TRPM8: variants seen among roughly 807,000 people sequenced by gnomAD.
TRPM8 encodes the protein TRPM8 cationic channel.
TRPM8 carries 110 observed loss-of-function variants against 133.7 expected under a neutral mutation model. That is an observed-to-expected ratio of 0.82 (90% CI 0.70 to 0.96). The LOEUF (loss-of-function observed/expected upper bound fraction) is 0.96, where lower values mean the gene tolerates loss of function less well. Ranked by LOEUF, TRPM8 falls within the 40% of genes least tolerant of loss-of-function variation. The probability of loss-of-function intolerance (pLI) is 0.00; values close to 1 mark genes in which losing one functional copy is unlikely to be tolerated. For missense variants in TRPM8, 1,291 were observed against 1,379.5 expected (o/e 0.94, Z 1.02); for synonymous variants, 535 against 532.3 (o/e 1.01, Z -0.07).
intron 2 of TRPM8, among the ~76,000 whole-genome samples, chr2:233,929,551 C>T (rs531177413): frequency 6.6e-6 from 1 of 152,230 alleles, no homozygotes; most frequent in African/African-American, 2.4e-5. Flanking sequence ...AGAACTCCAG[C>T]TGCCAGTATC....
chr2:233,969,629 T>C lies in TRPM8; in HGVS notation c.2026-66T>C. On this transcript the variant is annotated intron_variant, in intron 15 of 25. Transcript: ENST00000324695. ...GAAAGTGTGGGGCGGGGAAGAAAGT[T>C]TGCATGGCATCCTGCATACAATTGT... 3 of 954,900 alleles carry C rather than the reference T, an allele frequency of 3.1e-6. No homozygotes were observed. The South Asian group carries it at 4.1e-5, about 13-fold the overall frequency. The allele number at this position is 954,900 out of a possible 1,614,324, so 59.2% of individuals were successfully genotyped here.
chr2:233,964,998 C>T (rs527715752), intron 14 of TRPM8, among the ~76,000 whole-genome samples: 36 of 150,186 alleles, frequency 2.4e-4, no homozygotes, highest in Non-Finnish European at 1.5e-4. Flanking sequence ...CCACCCAGGG[C>T]CATACCCAGG....
chr2:233,960,244 A>G (rs867357264), intron 11 of TRPM8, among the ~76,000 whole-genome samples: 2 of 152,060 alleles, frequency 1.3e-5, no homozygotes, highest in Non-Finnish European at 2.9e-5. Context: ...CTATTTTAAC[A>G]CCTGTATTTG....
At chr2:233,949,374 G>A (rs1691121813) in intron 8 of TRPM8, among the ~76,000 whole-genome samples, 1 of 152,198 alleles carries the variant, frequency 6.6e-6, no homozygotes, top group Admixed American at 6.5e-5. Context: ...CTCTGCAGTT[G>A]TTACAAAGGT....
intron 1 of TRPM8, among the ~76,000 whole-genome samples, chr2:233,925,810 C>T (rs4663986): frequency 1.3e-5 from 2 of 151,856 alleles, no homozygotes; most frequent in Admixed American, 1.3e-4. Context: ...TCTCGAGCTT[C>T]GGATGTGGGT....
intron 11 of TRPM8, among the ~76,000 whole-genome samples, chr2:233,955,692 C>T (rs1436360658): frequency 2.0e-5 from 3 of 152,108 alleles, no homozygotes; most frequent in East Asian, 3.9e-4. Flanking sequence ...GAGAACCGTC[C>T]GTAGTGAGAT....
intron 22 of TRPM8, among the ~76,000 whole-genome samples, chr2:234,001,948 A>G (rs1339763675): frequency 1.3e-5 from 2 of 152,178 alleles, no homozygotes; most frequent in South Asian, 4.1e-4. Flanking sequence ...AATAAGCTAG[A>G]AGCTATCTGT....
chr2:233,954,886 T>G lies in TRPM8; in HGVS notation c.1244-246T>G, dbSNP rs574346175. ...AACCTTTACTATACCATTATTACAC[T>G]GCTAGGATATGCAATGGAAAAACAT... On this transcript the variant is annotated intron_variant, in intron 10 of 25. Transcript: ENST00000324695. 8.0e-6 allele frequency: 3 copies of G among 376,098 alleles called. No individual in the cohort carries two copies. The East Asian group carries it at 1.6e-4, about 20-fold the overall frequency. The allele number at this position is 376,098 out of a possible 1,614,324, so 23.3% of individuals were successfully genotyped here. A position where few individuals can be genotyped will look rare whatever the true frequency, so the allele number is the denominator to read the frequency against.
At chr2:233,990,800 T>G (rs914739193) in intron 21 of TRPM8, among the ~76,000 whole-genome samples, 2 of 152,194 alleles carry the variant, frequency 1.3e-5, no homozygotes, top group Non-Finnish European at 2.9e-5. Flanking sequence ...TCTGACCACC[T>G]CATCTAACCT....
At chr2:233,993,724 A>T (rs1266596523) in intron 21 of TRPM8, among the ~76,000 whole-genome samples, 1 of 151,938 alleles carries the variant, frequency 6.6e-6, no homozygotes, top group Admixed American at 6.6e-5. Flanking sequence ...CTGCGTTTCC[A>T]CTCTGAGCTC....
At chr2:233,938,256 C>A (rs1690809975) in intron 4 of TRPM8, among the ~76,000 whole-genome samples, 1 of 152,220 alleles carries the variant, frequency 6.6e-6, no homozygotes, top group Admixed American at 6.5e-5. Context: ...CCTCAAGTCA[C>A]CCCTCTGCCT....
intron 20 of TRPM8, among the ~76,000 whole-genome samples, chr2:233,983,649 G>A (rs182503687): frequency 2.6e-5 from 4 of 152,312 alleles, no homozygotes; most frequent in Non-Finnish European, 1.5e-5. Context: ...TTAGCCCACT[G>A]CCAACTGGTT....
intron 1 of TRPM8, among the ~76,000 whole-genome samples, chr2:233,926,136 C>A (rs1041420647): frequency 6.6e-6 from 1 of 152,202 alleles, no homozygotes. Context: ...TGTAAATTCC[C>A]TTCATCCTCA....
In TRPM8 at chr2:233,988,663, G is replaced by T. The variant is rs11562993; in HGVS notation, c.2939+2798G>T. On this transcript the variant is annotated intron_variant, in intron 21 of 25. Transcript: ENST00000324695. ...CAGGTGCCTGGGCCATGAAGATTAT[G>T]TGGCTGCTAGTTCCACATGGCCCTA... is the stretch of plus-strand genomic sequence containing the variant. Among the ~76,000 whole-genome samples the T allele has an allele frequency of 6.5e-3, 988 of 152,280 alleles. 13 individuals carry two copies. Among genetic ancestry groups the T allele is most frequent in the African/African-American group, 0.023 (952 of 41,554 alleles).
At chr2:233,919,993 AGTGGTCCTCTGAAG>A (rs1383603920) in intron 1 of TRPM8, among the ~76,000 whole-genome samples, 1 of 152,202 alleles carries the variant, frequency 6.6e-6, no homozygotes, top group African/African-American at 2.4e-5. Flanking sequence ...TCTGTGGGCC[AGTGGTCCTCTGAAG>A]GTGGTCCTGA....
chr2:233,956,254 G>C (rs900123848), intron 11 of TRPM8, among the ~76,000 whole-genome samples: 3 of 152,152 alleles, frequency 2.0e-5, no homozygotes, highest in African/African-American at 7.2e-5. Context: ...TGCTGTTTTA[G>C]AGCCAGAAAC....
chr2:234,010,397 G>A (rs1692807624), intron 24 of TRPM8, among the ~76,000 whole-genome samples: 1 of 152,162 alleles, frequency 6.6e-6, no homozygotes, highest in African/African-American at 2.4e-5. Flanking sequence ...TGGACATTAG[G>A]TAGTTTCCAT....
chr2:233,938,098 T>G lies in TRPM8; in HGVS notation c.348+589T>G, dbSNP rs890556961. Among the ~76,000 whole-genome samples the G allele has an allele frequency of 2.0e-5, 3 of 152,162 alleles. 1 individual carries two copies. The highest frequency in any genetic ancestry group is 7.2e-5 in the African/African-American group (3 of 41,458). ...TGGGAGGTGACCCAGCCCCATCCAC[T>G]GCTGACTCCCCCAGGGCCTCTGCCC... On this transcript the variant is annotated intron_variant, in intron 4 of 25. Coordinates refer to ENST00000324695, the MANE Select transcript of TRPM8 (RefSeq NM_024080.5).
chr2:233,958,173 G>A (rs201761615), intron 11 of TRPM8, among the ~76,000 whole-genome samples: 225 of 152,284 alleles, frequency 1.5e-3, no homozygotes, highest in African/African-American at 5.2e-3. Context: ...ATGGCAGGGG[G>A]AGTTGCTGAT....
Sources: gnomAD v4.1 joint callset for allele counts (sites outside exome capture counted in the v4.1 genomes callset) on GRCh38, gnomAD v4.1.1 for gene constraint, MANE v1.5 for transcripts, NCBI Gene and HGNC (gene_info 2026-07-23, HGNC 2026-07-21) for gene names.